Variants in COL5A1 observed in about 807,000 individuals in gnomAD.
COL5A1 encodes collagen type V alpha 1 chain.
COL5A1 carries 16 observed loss-of-function variants against 263.7 expected under a neutral mutation model. The ratio of observed to expected loss-of-function variants is 0.06; its 90% confidence interval spans 0.04 to 0.09. The LOEUF is 0.09. Among genes scored for constraint, COL5A1 ranks in the 10% least tolerant of loss-of-function variants. The pLI, the probability that COL5A1 is intolerant of heterozygous loss-of-function variation, is 1.00. For synonymous variants in COL5A1, 1,012 were observed against 1,004.5 expected, an observed-to-expected ratio of 1.01 and a Z score of -0.14; for missense variants, 2,036 against 2,540.5, an observed-to-expected ratio of 0.80 and a Z score of 4.27.
At chr9:134,815,763 C>G in intron 51 of COL5A1, 134 bp downstream of exon 51, 1 of 1,238,246 alleles carries the variant, frequency 8.1e-7, no homozygotes, top group Admixed American at 2.0e-5. Flanking sequence ...AAAAGGCACT[C>G]GTGTTCCGGT....
At chr9:134,772,662 G>A in intron 25 of COL5A1, 128 bp from the exon 26 acceptor site, 1 of 1,043,896 alleles carries the variant, frequency 9.6e-7, no homozygotes. Context: ...GACTTCTGGT[G>A]CTCTCAGTTT....
At chr9:134,748,390 CACAT>C (rs1435012962) in intron 11 of COL5A1, among the ~76,000 whole-genome samples, 2 of 152,170 alleles carry the variant, frequency 1.3e-5, no homozygotes, top group East Asian at 1.9e-4. Flanking sequence ...CACATGCACA[CACAT>C]ACACTTACAT....
intron 26 of COL5A1, 142 bp downstream of exon 26, chr9:134,772,976 C>T: frequency 1.1e-6 from 1 of 874,570 alleles, no homozygotes. Context: ...GTGTCTCCGC[C>T]AAGGGACCCA....
intron 2 of COL5A1, among the ~76,000 whole-genome samples, chr9:134,699,521 T>G (rs1211679372): frequency 1.4e-5 from 2 of 140,390 alleles, no homozygotes; most frequent in African/African-American, 5.1e-5. Flanking sequence ...TGTGACCTCA[T>G]GGAGCGTACT....
rs78743504 is a variant in COL5A1 at position 134,806,167 on chromosome 9, C to T, written c.3259-22C>T. ...GCAGTCTGAGAGCCTTTGAAGCAGACTGTTTTCTTGCTCCACCTCAGGGAT... is the reference window on the plus strand; with the variant it reads ...GCAGTCTGAGAGCCTTTGAAGCAGATTGTTTTCTTGCTCCACCTCAGGGAT... On this transcript the variant is annotated intron_variant, in intron 41 of 65. Coordinates refer to ENST00000371817, the MANE Select transcript of COL5A1 (RefSeq NM_000093.5). The T allele has an allele frequency of 0.045, 69,040 of 1,520,138 alleles. 1,856 individuals are homozygous for T. Among genetic ancestry groups the T allele is most frequent in the East Asian group, 0.11 (4,474 of 40,788 alleles). 94.2% of individuals were successfully genotyped at this position (1,520,138 alleles called of 1,614,324 possible).
intron 4 of COL5A1, among the ~76,000 whole-genome samples, chr9:134,724,725 C>T (rs573698005): frequency 1.3e-5 from 2 of 152,288 alleles, no homozygotes; most frequent in African/African-American, 2.4e-5. Context: ...CGCAAAGCCA[C>T]GTCACAGCCA....
In COL5A1 at chr9:134,805,472, T is replaced by C. The variant is rs72774468; in HGVS notation, c.3258+258T>C. The stretch of plus-strand genomic sequence containing the variant: ...CTGGAGGGCGGGAGGAGCCACTCTG[T>C]GTTGCCTGTGGAGCATGCTCCCTGG... On this transcript the variant is annotated intron_variant, in intron 41 of 65. Transcript: ENST00000371817. 0.045 allele frequency among the ~76,000 whole-genome samples: 6,815 copies of C among 152,188 alleles called. 177 individuals carry two copies. Among genetic ancestry groups the C allele is most frequent in the South Asian group, 0.094 (453 of 4,816 alleles).
chr9:134,680,449 C>T lies in COL5A1; in HGVS notation c.110-10463C>T, dbSNP rs571424746. 9.8e-5 allele frequency among the ~76,000 whole-genome samples: 15 copies of T among 152,298 alleles called. No individual in the cohort carries two copies. The highest frequency in any genetic ancestry group is 3.4e-3 in the Middle Eastern group (1 of 294). On this transcript the variant is annotated intron_variant, in intron 1 of 65. Transcript: ENST00000371817. The surrounding 1 kb of genome is among the most constrained non-coding windows in gnomAD (Gnocchi z 5.9). ...CCCTTCCAGGTGCGAGCTCCCTGCC[C>T]GGCACACCTGTACCTGTTCCTCCAT...
chr9:134,756,913 A>G (rs1835996530), intron 17 of COL5A1, 95 bp downstream of exon 17: 2 of 1,236,360 alleles, frequency 1.6e-6, no homozygotes, highest in Admixed American at 3.4e-5. Context: ...TGTGATGACT[A>G]CGATTATGAT....
chr9:134,744,437 ACT>A (rs1229435756), intron 11 of COL5A1, among the ~76,000 whole-genome samples: 14 of 151,532 alleles, frequency 9.2e-5, no homozygotes, highest in African/African-American at 2.9e-4. Flanking sequence ...ACACGCACAC[ACT>A]CATGTGTACA....
At chr9:134,699,875 C>T in intron 2 of COL5A1, 34 bp from the exon 3 acceptor site, 1 of 1,606,958 alleles carries the variant, frequency 6.2e-7, no homozygotes, top group South Asian at 1.1e-5. Context: ...CAGGGGCTCC[C>T]CGACTGCCTT....
At chr9:134,779,316 C>G (rs1837171033) in intron 27 of COL5A1, among the ~76,000 whole-genome samples, 1 of 152,246 alleles carries the variant, frequency 6.6e-6, no homozygotes, top group Non-Finnish European at 1.5e-5. Context: ...TTTACCTCCA[C>G]TGCCCCAGGC....
At chr9:134,645,722 C>T (rs940203713) in intron 1 of COL5A1, among the ~76,000 whole-genome samples, 26 of 152,190 alleles carry the variant, frequency 1.7e-4, no homozygotes, top group African/African-American at 6.3e-4. Context: ...TGCTGTGGGG[C>T]CCTAAGCCAG....
chr9:134,812,177 C>A (rs1050929611), intron 46 of COL5A1, among the ~76,000 whole-genome samples: 4 of 152,190 alleles, frequency 2.6e-5, no homozygotes, highest in African/African-American at 9.7e-5. Context: ...CCCAGGCGTC[C>A]CCTGCTGGCT....
chr9:134,673,612 A>G (rs970985702), intron 1 of COL5A1, among the ~76,000 whole-genome samples: 2 of 152,228 alleles, frequency 1.3e-5, no homozygotes, highest in African/African-American at 4.8e-5. Context: ...TTTATAAAGC[A>G]TAAGACAAAA....
chr9:134,812,662 C>G lies in COL5A1; in HGVS notation c.3802C>G (p.Pro1268Ala), dbSNP rs747199703. Residue 1268 changes from proline (P) to alanine (A), a missense_variant, in exon 48 of 66, where the codon CCA becomes GCA. Coordinates refer to ENST00000371817, the MANE Select transcript of COL5A1 (RefSeq NM_000093.5). ...GPSGAPGADG[P>A]QGPPGGIGNP... ...CTCCGGAGCTCCAGGTGCTGATGGC[C>G]CACAAGGTCCCCCAGGTGGAATAGG... is the stretch of plus-strand genomic sequence containing the variant. 5 of 1,595,374 alleles carry G rather than the reference C, an allele frequency of 3.1e-6. No homozygotes were observed. The highest frequency in any genetic ancestry group is 3.6e-5 in the Admixed American group (2 of 56,194).
chr9:134,772,398 T>C (rs554840250), intron 25 of COL5A1, among the ~76,000 whole-genome samples: 29 of 152,386 alleles, frequency 1.9e-4, no homozygotes, highest in African/African-American at 6.7e-4. Context: ...TTGTTGGCCC[T>C]GTCCCCACTC....
chr9:134,789,087 A>G lies in COL5A1; in HGVS notation c.2647-68A>G, dbSNP rs545104887. Reference sequence around the variant, plus strand: ...TGCACTGGCATGCAGGTGGTCCCCCAGGCGGCCCATGCAGCATGACTCATT... The same window carrying G: ...TGCACTGGCATGCAGGTGGTCCCCCGGGCGGCCCATGCAGCATGACTCATT... On this transcript the variant is annotated intron_variant, in intron 31 of 65. Coordinates refer to ENST00000371817, the MANE Select transcript of COL5A1 (RefSeq NM_000093.5). The surrounding 1 kb of genome is among the most constrained non-coding windows in gnomAD (Gnocchi z 4.8). The G allele has an allele frequency of 7.0e-7, 1 of 1,420,504 alleles. No homozygotes were observed. The highest frequency in any genetic ancestry group is 1.7e-5 in the Admixed American group (1 of 58,394). 88.0% of individuals were successfully genotyped at this position (1,420,504 alleles called of 1,614,324 possible). A position where few individuals can be genotyped will look rare whatever the true frequency, so the allele number is the denominator to read the frequency against.
chr9:134,661,495 C>A (rs1338591532), intron 1 of COL5A1, among the ~76,000 whole-genome samples: 1 of 151,924 alleles, frequency 6.6e-6, no homozygotes, highest in African/African-American at 2.4e-5. Context: ...TTTCACTCCA[C>A]CCACCAGTCC....
Sources: gnomAD v4.1 joint callset for allele counts (sites outside exome capture counted in the v4.1 genomes callset) on GRCh38, gnomAD v4.1.1 for gene constraint, Gnocchi (gnomAD v3.1) non-coding constraint, MANE v1.5 for transcripts, NCBI Gene and HGNC (gene_info 2026-07-23, HGNC 2026-07-21) for gene names.